COX11: variants seen among roughly 807,000 people sequenced by gnomAD.
COX11 encodes cytochrome c oxidase assembly protein COX11, mitochondrial.
COX11 carries 18 observed loss-of-function variants against 29.4 expected under a neutral mutation model. The ratio of observed to expected loss-of-function variants is 0.61; its 90% CI spans 0.42 to 0.91. The LOEUF (loss-of-function observed/expected upper bound fraction) is 0.91, where lower values mean the gene tolerates loss of function less well. Ranked by LOEUF, COX11 falls within the 40% of genes least tolerant of loss-of-function variation. The pLI, the probability that COX11 is intolerant of heterozygous loss-of-function variation, is 0.00. For synonymous variants in COX11, 131 were observed against 124.0 expected, an observed-to-expected ratio of 1.06 and a Z score of -0.38; for missense variants, 312 against 346.0, an observed-to-expected ratio of 0.90 and a Z score of 0.78.
At chr17:54,953,215 C>T (rs1027358057) in exon 1 of COX11, 3 of 143,852 alleles carry the variant, frequency 2.1e-5, no homozygotes, top group South Asian at 2.2e-4. Flanking sequence ...CTTGTCTCCA[C>T]AAACAAACAA....
chr17:54,963,310 A>AT lies in COX11; in HGVS notation c.643dup (p.Ile215AsnfsTer7). The AT allele has an allele frequency of 6.2e-7, 1 of 1,609,912 alleles. No individual in the cohort carries two copies. The highest frequency in any genetic ancestry group is 1.1e-5 in the South Asian group (1 of 90,290). Reference sequence around the variant, plus strand: ...AAAGTTTACACTTTGATGTACCTGTATTTTATTGAAATACTGTCCAGCTTC... The same window carrying AT: ...AAAGTTTACACTTTGATGTACCTGTATTTTTATTGAAATACTGTCCAGCTTC... On this transcript the variant is annotated frameshift_variant, in exon 3 of 4. Coordinates refer to ENST00000299335, the MANE Select transcript of COX11 (RefSeq NM_004375.5). LOFTEE classifies it high-confidence loss of function.
rs778017459 is a variant in COX11 at position 54,968,552 on chromosome 17, AC to A, written c.94del (p.Val32Ter). ...CCACTCTGGCCTAAGAAACGGCTCT[AC>A]CCTCTCTGCAGCCCTGGTTGGAGAC... is the stretch of plus-strand genomic sequence containing the variant. ...PGSPTRAAER[V>X]EPFLRPEWSG... On this transcript the variant is annotated frameshift_variant, in exon 1 of 4. Coordinates refer to ENST00000299335, the MANE Select transcript of COX11 (RefSeq NM_004375.5). LOFTEE classifies it high-confidence loss of function. The A allele has an allele frequency of 1.2e-6, 2 of 1,612,688 alleles. No individual in the cohort carries two copies. The highest frequency in any genetic ancestry group is 1.7e-6 in the Non-Finnish European group (2 of 1,179,930).
At position 54,968,605 on chromosome 17, in the gene COX11, G is replaced by C. The variant is rs1475650438; in HGVS notation, c.42C>G (p.Phe14Leu). Residue 14 changes from phenylalanine to leucine, a missense_variant, in exon 1 of 4, where the codon TTC (phenylalanine) becomes TTG (leucine). By Grantham distance (22) the Phe-to-Leu change is conservative. Coordinates refer to ENST00000299335, the MANE Select transcript of COX11 (RefSeq NM_004375.5). The part of the protein sequence containing the change: ...LWRPGWRCVP[F>L]CGWRWIHPGS... ...CAGGGTGGATCCAGCGCCAGCCACA[G>C]AAAGGAACGCACCTCCATCCAGGAC... 1.6e-5 allele frequency: 26 copies of C among 1,612,976 alleles called. No homozygotes were observed. The highest frequency in any genetic ancestry group is 2.1e-5 in the Non-Finnish European group (25 of 1,180,010).
chr17:54,965,134 T>C (rs983638813), intron 1 of COX11, among the ~76,000 whole-genome samples: 1 of 152,242 alleles, frequency 6.6e-6, no homozygotes, highest in Non-Finnish European at 1.5e-5. Context: ...AGTCAACTAT[T>C]ATCACTGATA....
exon 1 of COX11, chr17:54,952,536 G>T (rs910015939): frequency 8.5e-6 from 1 of 116,976 alleles, no homozygotes; most frequent in African/African-American, 3.5e-5. Flanking sequence ...GCAACAGAGC[G>T]AGACTGTCTC....
chr17:54,968,489 A>G lies in COX11; in HGVS notation c.158T>C (p.Leu53Pro), dbSNP rs753708845. The change falls in exon 1 of 4, where the codon CTT becomes CCT. Residue 53 changes from leucine to proline, a missense_variant. By Grantham distance (98) the Leu-to-Pro change is moderately conservative (BLOSUM62 -3). Transcript: ENST00000299335. ...AAGGCTGCAGCGCTTCCATGTCCCA[A>G]GCCACCTCAGTCCTCTCTCGGCACC... ...TGGAERGLRW[L>P]GTWKRCSLRA... The G allele has an allele frequency of 1.7e-5, 27 of 1,613,202 alleles. No homozygotes were observed. Among genetic ancestry groups the G allele is most frequent in the Non-Finnish European group, 2.3e-5 (27 of 1,179,956 alleles).
Position 54,961,192 on chromosome 17 carries a change from A to G in COX11, c.*1541T>C, listed in dbSNP as rs1174759187. ...GAGTTATCAAGGAATGGGGAAAGAG[A>G]AGGACAGGATGAATACTGGCCATTT... is the stretch of plus-strand genomic sequence containing the variant. On this transcript the variant is annotated 3_prime_UTR_variant, in exon 4 of 4. Coordinates refer to ENST00000299335, the MANE Select transcript of COX11 (RefSeq NM_004375.5). 2 of 1,276,186 alleles carry G rather than the reference A, an allele frequency of 1.6e-6. No individual in the cohort carries two copies. The highest frequency in any genetic ancestry group is 2.2e-6 in the Non-Finnish European group (2 of 896,132). The allele number at this position is 1,276,186 out of a possible 1,614,324, so 79.1% of individuals were successfully genotyped here.
exon 1 of COX11, chr17:54,952,612 G>A (rs935979643): frequency 2.0e-5 from 3 of 151,500 alleles, no homozygotes; most frequent in Non-Finnish European, 4.4e-5. Context: ...GCTTGGGCAT[G>A]GACCTTCCTA....
intron 1 of COX11, 40 bp downstream of exon 1, chr17:54,968,241 C>G: frequency 6.3e-7 from 1 of 1,591,022 alleles, no homozygotes; most frequent in Non-Finnish European, 8.5e-7. Flanking sequence ...ACCCCCACCT[C>G]TCGCGTCTGC....
chr17:54,957,825 T>C (rs2076986351), downstream of COX11: 2 of 152,228 alleles, frequency 1.3e-5, no homozygotes, highest in African/African-American at 2.4e-5. Context: ...CTGGACTAAT[T>C]TATAATTCTG....
chr17:54,958,748 A>AAAAAAAAAAG (rs372776781), downstream of COX11, among the ~76,000 whole-genome samples: 251 of 118,926 alleles, frequency 2.1e-3, 17 homozygotes, highest in South Asian at 3.6e-3. Flanking sequence ...AAAAAAAAAA[A>AAAAAAAAAAG]GGGGTTGTTG....
At chr17:54,955,026 G>C (rs1171682393) in exon 1 of COX11, 1 of 152,160 alleles carries the variant, frequency 6.6e-6, no homozygotes. Flanking sequence ...TGCCAGAGGA[G>C]GCACCCTAAC....
chr17:54,968,215 C>T (rs542505065), intron 1 of COX11, 66 bp downstream of exon 1: 4 of 1,559,840 alleles, frequency 2.6e-6, no homozygotes, highest in East Asian at 4.5e-5. Flanking sequence ...AGGGCTTGTC[C>T]CGGGATTTGT....
At chr17:54,965,835 G>GAA (rs58420034) in intron 1 of COX11, among the ~76,000 whole-genome samples, 112 of 143,472 alleles carry the variant, frequency 7.8e-4, no homozygotes, top group East Asian at 1.1e-3. Flanking sequence ...CATCTCAAAA[G>GAA]AAAAAAAAAA....
chr17:54,967,200 C>T (rs900757120), intron 1 of COX11, among the ~76,000 whole-genome samples: 1 of 152,240 alleles, frequency 6.6e-6, no homozygotes, highest in East Asian at 1.9e-4. Flanking sequence ...CCACTGTGGC[C>T]TTGTGATAAA....
rs779003353 is a variant in COX11, at chr17:54,968,506, C to G, written c.141G>C (p.Glu47Asp). 7 of 1,613,416 alleles carry G rather than the reference C, an allele frequency of 4.3e-6. No homozygotes were observed. The South Asian group carries it at 5.5e-5, about 13-fold the overall frequency. ...ATGTCCCAAGCCACCTCAGTCCTCT[C>G]TCGGCACCTCCTGTCCCACTCCACT... ...RPEWSGTGGAERGLRWLGTWK... is the reference protein window; with the variant it reads ...RPEWSGTGGADRGLRWLGTWK... The change falls in exon 1 of 4, where the codon GAG (glutamate) becomes GAC (aspartate). Residue 47 changes from glutamate to aspartate, a missense_variant. By Grantham distance (45) the Glu-to-Asp change is conservative (BLOSUM62 2). Around this residue, in one of 2 missense-constraint regions of COX11, gnomAD observed 130 missense variants for 106.0 expected, o/e 1.23. Coordinates refer to ENST00000299335, the MANE Select transcript of COX11 (RefSeq NM_004375.5).
Position 54,961,224 on chromosome 17 carries a change from C to A in COX11, c.*1509G>T. ...GGATGAATACTGGCCATTTTCTTCT[C>A]TTTATTTTAGAAGAAAGTGGATGAT... On this transcript the variant is annotated 3_prime_UTR_variant, in exon 4 of 4. Coordinates refer to ENST00000299335, the MANE Select transcript of COX11 (RefSeq NM_004375.5). 6.7e-7 allele frequency: 1 copy of A among 1,503,394 alleles called. No individual in the cohort carries two copies. The highest frequency in any genetic ancestry group is 9.1e-7 in the Non-Finnish European group (1 of 1,102,930). 93.1% of individuals were successfully genotyped at this position (1,503,394 alleles called of 1,614,324 possible).
upstream of COX11, chr17:54,968,732 G>T: frequency 6.8e-7 from 1 of 1,466,802 alleles, no homozygotes; most frequent in Non-Finnish European, 9.1e-7. Flanking sequence ...GATCTGGGTT[G>T]AGCCTGCCGC....
chr17:54,967,674 G>A (rs2077272819), intron 1 of COX11, among the ~76,000 whole-genome samples: 1 of 148,556 alleles, frequency 6.7e-6, no homozygotes, highest in Non-Finnish European at 1.5e-5. Context: ...CCCGGGTGAT[G>A]CTGATGCTGC....
Sources: gnomAD v4.1 joint callset for allele counts (sites outside exome capture counted in the v4.1 genomes callset) on GRCh38, gnomAD v4.1.1 for gene constraint, gnomAD v4.1.1 regional missense constraint, MANE v1.5 for transcripts, NCBI Gene and HGNC (gene_info 2026-07-23, HGNC 2026-07-21) for gene names.